MAP3K5: variants seen among roughly 807,000 people sequenced by gnomAD.
MAP3K5 encodes the protein ASK-1.
In MAP3K5, 56 loss-of-function variants were observed where a neutral mutation model predicts 158.7. That is an observed-to-expected ratio of 0.35 (90% CI 0.28 to 0.44). The LOEUF is 0.44. MAP3K5 is among the 20% of genes least tolerant of loss of function. The pLI, the probability that MAP3K5 is intolerant of heterozygous loss-of-function variation, is 1.00. For synonymous variants in MAP3K5, 579 were observed against 601.7 expected (o/e 0.96, Z 0.55); for missense variants, 1,294 against 1,674.8 (o/e 0.77, Z 3.97).
chr6:136,625,292 T>C (rs1451904192), intron 14 of MAP3K5, among the ~76,000 whole-genome samples: 1 of 152,232 alleles, frequency 6.6e-6, no homozygotes, highest in Admixed American at 6.5e-5. Flanking sequence ...AATAAGGCTT[T>C]ATTTACCAAG....
chr6:136,724,330 C>T, intron 1 of MAP3K5, among the ~76,000 whole-genome samples: 1 of 150,760 alleles, frequency 6.6e-6, no homozygotes, highest in Non-Finnish European at 1.5e-5. Flanking sequence ...CTCACTGCAA[C>T]CTCCACCACC....
At chr6:136,615,577 C>T (rs1583277518) in intron 15 of MAP3K5, among the ~76,000 whole-genome samples, 1 of 152,138 alleles carries the variant, frequency 6.6e-6, no homozygotes, top group East Asian at 1.9e-4. Context: ...AGCATGGTTC[C>T]ACAGGCTGGT....
chr6:136,688,773 CT>C (rs1204636308), intron 7 of MAP3K5, among the ~76,000 whole-genome samples: 1 of 152,196 alleles, frequency 6.6e-6, no homozygotes, highest in Non-Finnish European at 1.5e-5. Flanking sequence ...ACAATGCATT[CT>C]AACTTCATAG....
rs772610535 is a variant in MAP3K5 at position 136,558,808 on chromosome 6, C to G, written c.4056G>C (p.Leu1352Phe). Residue 1352 changes from leucine (L) to phenylalanine (F), a missense_variant, in exon 29 of 30, where the codon TTG becomes TTC. Physicochemically the swap from Leu to Phe is conservative, Grantham distance 22. Coordinates refer to ENST00000359015, the MANE Select transcript of MAP3K5 (RefSeq NM_005923.4). ...YYVTRDDLKC[L>F]RLRGGMLCTL... Reference sequence around the variant, plus strand: ...AGAAAGAAAAGTGGTACCTTAGTCTCAAGCATTTTAAGTCATCACGTGTAA... The same window carrying G: ...AGAAAGAAAAGTGGTACCTTAGTCTGAAGCATTTTAAGTCATCACGTGTAA... The G allele has an allele frequency of 6.3e-7, 1 of 1,594,618 alleles. No homozygotes were observed.
chr6:136,658,323 T>C (rs1266514217), intron 9 of MAP3K5, among the ~76,000 whole-genome samples: 1 of 140,754 alleles, frequency 7.1e-6, no homozygotes, highest in African/African-American at 2.7e-5. Context: ...CTTTTTTTTT[T>C]TTTTTTTTTG....
intron 1 of MAP3K5, among the ~76,000 whole-genome samples, chr6:136,784,661 C>T (rs375873334): frequency 2.0e-4 from 30 of 152,194 alleles, no homozygotes; most frequent in Admixed American, 9.2e-4. Context: ...CAGGGCGGTT[C>T]CAATCAGAGG....
chr6:136,788,991 G>A (rs1784955468), intron 1 of MAP3K5, among the ~76,000 whole-genome samples: 3 of 152,102 alleles, frequency 2.0e-5, no homozygotes, highest in Admixed American at 6.5e-5. Flanking sequence ...CTAAACATTG[G>A]GTACAAGTAA....
chr6:136,696,084 G>C (rs1780589778), intron 5 of MAP3K5, 27 bp from the exon 6 acceptor site: 1 of 1,326,744 alleles, frequency 7.5e-7, no homozygotes. Flanking sequence ...GAATAGCACA[G>C]AATTAAACCA....
intron 14 of MAP3K5, chr6:136,636,704 A>C: frequency 2.4e-6 from 1 of 419,796 alleles, no homozygotes; most frequent in Non-Finnish European, 3.2e-6. Context: ...GTGCTTTGGG[A>C]GGCCGAGGTG....
At chr6:136,592,389 C>T (rs1179803680) in intron 22 of MAP3K5, 48 bp from the exon 23 acceptor site, 5 of 1,597,902 alleles carry the variant, frequency 3.1e-6, no homozygotes, top group South Asian at 2.2e-5. Flanking sequence ...TATAAAATGA[C>T]ACACTTAACA....
chr6:136,664,269 T>C (rs1779133231), intron 8 of MAP3K5, among the ~76,000 whole-genome samples: 1 of 152,070 alleles, frequency 6.6e-6, no homozygotes, highest in African/African-American at 2.4e-5. Context: ...CCTGATGATC[T>C]GTCACTGTCT....
At chr6:136,766,485 C>T (rs184637239) in intron 1 of MAP3K5, among the ~76,000 whole-genome samples, 29 of 152,330 alleles carry the variant, frequency 1.9e-4, no homozygotes, top group African/African-American at 7.0e-4. Context: ...GAAGTTCTGA[C>T]GTCTTCCCTT....
chr6:136,624,137 T>C (rs1379122134), intron 14 of MAP3K5, among the ~76,000 whole-genome samples: 2 of 151,902 alleles, frequency 1.3e-5, no homozygotes, highest in African/African-American at 4.8e-5. Context: ...GAGGTTGCAG[T>C]GAGCTGAGAT....
intron 23 of MAP3K5, 79 bp downstream of exon 23, chr6:136,592,094 T>C (rs940271413): frequency 7.4e-7 from 1 of 1,349,270 alleles, no homozygotes; most frequent in Non-Finnish European, 1.0e-6. Context: ...TTTCACATCA[T>C]CTGTGACAGC....
intron 12 of MAP3K5, among the ~76,000 whole-genome samples, chr6:136,640,745 C>T (rs1237241254): frequency 6.6e-6 from 1 of 152,190 alleles, no homozygotes; most frequent in African/African-American, 2.4e-5. Context: ...AGCTCATGCT[C>T]AGTTAATGCC....
intron 1 of MAP3K5, among the ~76,000 whole-genome samples, chr6:136,723,009 G>T (rs1473148567): frequency 6.6e-6 from 1 of 151,824 alleles, no homozygotes; most frequent in East Asian, 1.9e-4. Context: ...TTTCTAGAAG[G>T]CTTAAATCCT....
intron 25 of MAP3K5, among the ~76,000 whole-genome samples, chr6:136,570,610 C>T (rs1774319638): frequency 6.6e-6 from 1 of 152,164 alleles, no homozygotes; most frequent in African/African-American, 2.4e-5. Flanking sequence ...TTACATAGAC[C>T]TGGCTTTCTT....
At chr6:136,576,376 A>G (rs1442437852) in intron 25 of MAP3K5, among the ~76,000 whole-genome samples, 1 of 152,134 alleles carries the variant, frequency 6.6e-6, no homozygotes, top group Non-Finnish European at 1.5e-5. Context: ...CAGCAGTGCA[A>G]TCATAGCTCA....
chr6:136,724,445 G>A (rs1304538920), intron 1 of MAP3K5, among the ~76,000 whole-genome samples: 4 of 151,850 alleles, frequency 2.6e-5, no homozygotes, highest in East Asian at 1.9e-4. Flanking sequence ...ATGGGGTTTC[G>A]CCATGTTGGC....
Sources: gnomAD v4.1 joint callset for allele counts (sites outside exome capture counted in the v4.1 genomes callset) on GRCh38, gnomAD v4.1.1 for gene constraint, MANE v1.5 for transcripts, NCBI Gene and HGNC (gene_info 2026-07-23, HGNC 2026-07-21) for gene names.